Variants in USH1C observed in about 807,000 individuals in gnomAD.
USH1C encodes the protein USH1 protein network component harmonin, also known as harmonin.
Under a neutral mutation model 119.3 loss-of-function variants are expected in USH1C, and 90 were observed. That is an observed-to-expected ratio of 0.75 (90% CI 0.64 to 0.90). The LOEUF (loss-of-function observed/expected upper bound fraction) is 0.90, where lower values mean the gene tolerates loss of function less well. USH1C is among the 40% of genes least tolerant of loss of function. USH1C has a pLI of 0.00. For missense variants in USH1C, 1,165 were observed against 1,167.7 expected (o/e 1.00, Z 0.03); for synonymous variants, 465 against 443.3 (o/e 1.05, Z -0.62).
chr11:17,503,504 C>T (rs566792460), intron 20 of USH1C, among the ~76,000 whole-genome samples: 6 of 152,334 alleles, frequency 3.9e-5, no homozygotes, highest in Admixed American at 3.3e-4. Context: ...GTGATATTCA[C>T]GCCCAAGGTC....
intron 18 of USH1C, among the ~76,000 whole-genome samples, chr11:17,508,970 T>C (rs1463209028): frequency 2.0e-5 from 3 of 152,200 alleles, no homozygotes; most frequent in Non-Finnish European, 4.4e-5. Flanking sequence ...TATTCAAGGC[T>C]TTCTGGGATA....
chr11:17,522,749 G>T, intron 12 of USH1C, 35 bp downstream of exon 12: 1 of 1,613,388 alleles, frequency 6.2e-7, no homozygotes, highest in Non-Finnish European at 8.5e-7. Context: ...TGGGGTGGGA[G>T]GCGGGACAGG....
At chr11:17,534,987 G>A (rs1851176065) in intron 1 of USH1C, among the ~76,000 whole-genome samples, 1 of 151,770 alleles carries the variant, frequency 6.6e-6, no homozygotes, top group African/African-American at 2.4e-5. Context: ...CACCACCTCT[G>A]AAAGCTCATC....
rs200971327 is a variant in USH1C, at chr11:17,513,341, CG to C, written c.1261-1288del. 5.7e-3 allele frequency among the ~76,000 whole-genome samples: 866 copies of C among 151,966 alleles called. 11 individuals carry two copies. The highest frequency in any genetic ancestry group is 0.019 in the African/African-American group (802 of 41,412). On this transcript the variant is annotated intron_variant, in intron 15 of 26. Transcript: ENST00000005226. Reference sequence around the variant, plus strand: ...ACCCCCTGTTCACTGAGCTCACCCCCGCCCCCAACAAGCCTTCTGGGGATCT... The same window carrying C: ...ACCCCCTGTTCACTGAGCTCACCCCCCCCCCAACAAGCCTTCTGGGGATCT...
chr11:17,536,366 T>A (rs536206206), intron 1 of USH1C, among the ~76,000 whole-genome samples: 25 of 152,330 alleles, frequency 1.6e-4, no homozygotes, highest in African/African-American at 5.8e-4. Context: ...TGAGGAACTG[T>A]CCTCCTTAGA....
intron 10 of USH1C, 68 bp downstream of exon 10, chr11:17,523,351 G>A: frequency 6.8e-6 from 11 of 1,613,690 alleles, no homozygotes; most frequent in Non-Finnish European, 8.5e-6. Flanking sequence ...CAGGCTCCAG[G>A]GTGGTGGGGA....
At chr11:17,526,134 G>T (rs1295711496) in intron 8 of USH1C, among the ~76,000 whole-genome samples, 2 of 152,212 alleles carry the variant, frequency 1.3e-5, no homozygotes, top group South Asian at 4.1e-4. Context: ...TGGGGAGGTT[G>T]AGGCTACAGT....
At position 17,498,841 on chromosome 11, in the gene USH1C, G is replaced by A. The variant is rs150515676; in HGVS notation, c.2381-570C>T. ...ACAATTCGTAATCATTAATCTGTTT[G>A]TTTACTGATGGTCTCTCCCACCACA... On this transcript the variant is annotated intron_variant, in intron 23 of 26. Coordinates refer to ENST00000005226, the MANE Select transcript of USH1C (RefSeq NM_153676.4). Among the ~76,000 whole-genome samples, 31 of 152,322 alleles carry A rather than the reference G, an allele frequency of 2.0e-4. No individual in the cohort carries two copies. The East Asian group carries it at 5.6e-3, about 27-fold the overall frequency.
At chr11:17,535,978 A>G (rs1432282320) in intron 1 of USH1C, among the ~76,000 whole-genome samples, 1 of 152,160 alleles carries the variant, frequency 6.6e-6, no homozygotes, top group African/African-American at 2.4e-5. Flanking sequence ...AATAACTCCC[A>G]ATGTCCCTTT....
chr11:17,528,265 T>TGG lies in USH1C; in HGVS notation c.388-936_388-935dup, dbSNP rs112184744. Among the ~76,000 whole-genome samples, 655 of 152,290 alleles carry TGG rather than the reference T, an allele frequency of 4.3e-3. 5 individuals carry two copies. Among genetic ancestry groups the TGG allele is most frequent in the African/African-American group, 0.015 (634 of 41,546 alleles). On this transcript the variant is annotated intron_variant, in intron 4 of 26. Transcript: ENST00000005226. ...CTTAGGCCACAGTGGATTGTTGAGA[T>TGG]GGGCCCTGGGCAGCCAGCCCTGGAT... is the stretch of plus-strand genomic sequence containing the variant.
intron 20 of USH1C, among the ~76,000 whole-genome samples, chr11:17,504,429 C>T (rs910479401): frequency 6.6e-6 from 1 of 152,170 alleles, no homozygotes; most frequent in Non-Finnish European, 1.5e-5. Context: ...TTTCTCAGCT[C>T]ATGCATGGGG....
chr11:17,512,179 A>ACC, intron 15 of USH1C, 125 bp from the exon 16 acceptor site: 4 of 1,052,582 alleles, frequency 3.8e-6, no homozygotes, highest in Admixed American at 3.5e-5. Context: ...CAGCTCTCTC[A>ACC]CCACTCTGGA....
At chr11:17,501,012 T>A (rs1486398418) in intron 23 of USH1C, 39 bp downstream of exon 23, 1 of 1,573,976 alleles carries the variant, frequency 6.4e-7, no homozygotes, top group African/African-American at 1.3e-5. Flanking sequence ...CTAACCACTG[T>A]ATCATCCCCA....
rs750083761 is a variant in USH1C at position 17,531,584 on chromosome 11, A to G, written c.105-42T>C. 5 of 1,608,590 alleles carry G rather than the reference A, an allele frequency of 3.1e-6. No homozygotes were observed. In the Admixed American group the frequency reaches 6.7e-5, roughly 21 times the overall value. ...AATGCCTGGAGCCTCACCCCTGGCCATGACCTCAGGCACCCAGGGATTCCA... is the reference window on the plus strand; with the variant it reads ...AATGCCTGGAGCCTCACCCCTGGCCGTGACCTCAGGCACCCAGGGATTCCA... On this transcript the variant is annotated intron_variant, in intron 2 of 26. Coordinates refer to ENST00000005226, the MANE Select transcript of USH1C (RefSeq NM_153676.4). This position sits in a 1 kb window ranked among gnomAD's most constrained non-coding sequence, Gnocchi z 4.2.
At chr11:17,540,004 G>C (rs2133956623) in intron 1 of USH1C, among the ~76,000 whole-genome samples, 1 of 151,776 alleles carries the variant, frequency 6.6e-6, no homozygotes. Context: ...GCTAATTTTT[G>C]TATTTTTTGT....
chr11:17,536,028 T>C (rs890098798), intron 1 of USH1C, among the ~76,000 whole-genome samples: 42 of 152,206 alleles, frequency 2.8e-4, no homozygotes, highest in African/African-American at 9.6e-4. Flanking sequence ...AGAACTCCTT[T>C]CTTATCTCTA....
chr11:17,533,511 C>A, intron 1 of USH1C, 189 bp from the exon 2 acceptor site: 1 of 658,040 alleles, frequency 1.5e-6, no homozygotes, highest in Non-Finnish European at 2.8e-6. Context: ...TGCAGACCAC[C>A]CCAACGTGGC....
intron 1 of USH1C, among the ~76,000 whole-genome samples, chr11:17,543,247 C>T (rs559006510): frequency 6.6e-6 from 1 of 152,264 alleles, no homozygotes; most frequent in African/African-American, 2.4e-5. Context: ...GCACCCTGAC[C>T]TGCCCTACCT....
chr11:17,525,219 C>T (rs79502492), intron 8 of USH1C, among the ~76,000 whole-genome samples: 3,849 of 152,304 alleles, frequency 0.025, 171 homozygotes, highest in African/African-American at 0.087. Context: ...TACTCATTGA[C>T]TAGAGATGGC....
Sources: allele counts gnomAD v4.1 joint callset (sites outside exome capture counted in the v4.1 genomes callset), GRCh38; gene constraint gnomAD v4.1.1; non-coding constraint Gnocchi (gnomAD v3.1); transcripts MANE v1.5; gene names NCBI Gene and HGNC (gene_info 2026-07-23, HGNC 2026-07-21).